Variants in FGF14 observed in about 807,000 individuals in gnomAD.
The protein encoded by FGF14 is fibroblast growth factor 14.
A neutral mutation model predicts 25.5 loss-of-function variants in FGF14; 5 were observed. The observed-to-expected ratio is 0.20, with a 90% CI of 0.10 to 0.41. FGF14 has a LOEUF of 0.41. Among genes scored for constraint, FGF14 ranks in the 10% least tolerant of loss-of-function variants. FGF14 has a pLI of 1.00. For synonymous variants in FGF14, 138 were observed against 118.3 expected, an observed-to-expected ratio of 1.17 and a Z score of -1.08; for missense variants, 222 against 320.1, an observed-to-expected ratio of 0.69 and a Z score of 2.34.
rs547462002 is a variant in FGF14, at chr13:102,030,225, A to G, written c.209-154929T>C. On this transcript the variant is annotated intron_variant, in intron 1 of 4. Transcript: ENST00000376131. ...TTAGATAATCTTATTGAAAGCCAAG[A>G]AAAACTGTACTTTGTAAAGTCTTCT... Among the ~76,000 whole-genome samples, 51 of 152,212 alleles carry G rather than the reference A, an allele frequency of 3.4e-4. 1 individual carries two copies. Among genetic ancestry groups the G allele is most frequent in the African/African-American group, 1.2e-3 (50 of 41,570 alleles).
At chr13:102,207,559 A>G (rs1223007936) in intron 1 of FGF14, among the ~76,000 whole-genome samples, 1 of 151,480 alleles carries the variant, frequency 6.6e-6, no homozygotes, top group African/African-American at 2.4e-5. Context: ...TTGAAAAAAA[A>G]ATAACAATGA....
intron 1 of FGF14, among the ~76,000 whole-genome samples, chr13:101,975,311 C>CA (rs1442411364): frequency 2.0e-5 from 3 of 152,178 alleles, no homozygotes; most frequent in Non-Finnish European, 4.4e-5. Flanking sequence ...CACTAACCCC[C>CA]TCGACTCCTC....
chr13:102,239,615 AT>A (rs1232156705), intron 1 of FGF14, among the ~76,000 whole-genome samples: 9 of 151,676 alleles, frequency 5.9e-5, no homozygotes, highest in South Asian at 2.1e-4. Context: ...CAAGTAAAAA[AT>A]AAAGATTATG....
intron 3 of FGF14, among the ~76,000 whole-genome samples, chr13:101,820,757 A>T (rs1566940302): frequency 6.6e-6 from 1 of 150,918 alleles, no homozygotes; most frequent in Non-Finnish European, 1.5e-5. Context: ...CTACAGCTAC[A>T]GTACACACAC....
intron 1 of FGF14, among the ~76,000 whole-genome samples, chr13:102,050,911 T>C (rs1045252197): frequency 7.9e-5 from 12 of 152,240 alleles, no homozygotes; most frequent in African/African-American, 2.9e-4. Flanking sequence ...CTGCAGAGGA[T>C]ACTGGCATAT....
At chr13:101,992,783 T>C (rs2038976474) in intron 1 of FGF14, among the ~76,000 whole-genome samples, 1 of 151,642 alleles carries the variant, frequency 6.6e-6, no homozygotes, top group African/African-American at 2.4e-5. Context: ...ATTTCCAAAA[T>C]TGAAAACCAA....
chr13:102,286,394 T>C (rs549560086), intron 1 of FGF14, among the ~76,000 whole-genome samples: 25 of 151,932 alleles, frequency 1.6e-4, no homozygotes, highest in Admixed American at 3.9e-4. Flanking sequence ...AATACCTAAA[T>C]AGCTACAGCA....
At chr13:101,917,107 T>G (rs1389765909), upstream of FGF14, among the ~76,000 whole-genome samples, 1 of 151,480 alleles carries the variant, frequency 6.6e-6, no homozygotes, top group African/African-American at 2.4e-5. Flanking sequence ...TCTCTGCGCG[T>G]CCGTCGGTCC....
At chr13:101,746,116 C>T (rs2036871949) in intron 3 of FGF14, among the ~76,000 whole-genome samples, 1 of 152,000 alleles carries the variant, frequency 6.6e-6, no homozygotes, top group Non-Finnish European at 1.5e-5. Flanking sequence ...AAATATTTAA[C>T]ATTGTCACAT....
intron 1 of FGF14, among the ~76,000 whole-genome samples, chr13:102,144,179 C>T (rs1189656032): frequency 2.6e-5 from 4 of 152,066 alleles, no homozygotes; most frequent in Non-Finnish European, 4.4e-5. Flanking sequence ...CTGTACCTGG[C>T]TAATATATAT....
intron 3 of FGF14, among the ~76,000 whole-genome samples, chr13:101,862,303 A>C (rs2044462061): frequency 6.6e-6 from 1 of 151,868 alleles, no homozygotes; most frequent in Admixed American, 6.6e-5. Flanking sequence ...ATGCTGCCAA[A>C]GCATCTGACT....
chr13:101,871,634 G>T (rs548631577), intron 2 of FGF14, among the ~76,000 whole-genome samples: 1 of 151,942 alleles, frequency 6.6e-6, no homozygotes, highest in Non-Finnish European at 1.5e-5. Context: ...CTGTCAGTAG[G>T]AACAATGAAG....
At chr13:102,186,533 G>T (rs17689101) in intron 1 of FGF14, among the ~76,000 whole-genome samples, 20 of 152,106 alleles carry the variant, frequency 1.3e-4, no homozygotes, top group Non-Finnish European at 1.8e-4. Context: ...TAACATTGAT[G>T]TGAATAAACA....
At chr13:101,867,931 C>CAA (rs2044812448) in intron 3 of FGF14, among the ~76,000 whole-genome samples, 1 of 134,002 alleles carries the variant, frequency 7.5e-6, no homozygotes, top group Admixed American at 8.2e-5. Context: ...CACACACACA[C>CAA]ACACGCGCAC....
intron 1 of FGF14, among the ~76,000 whole-genome samples, chr13:102,218,061 G>A (rs762169991): frequency 6.6e-6 from 1 of 152,044 alleles, no homozygotes; most frequent in African/African-American, 2.4e-5. Flanking sequence ...TCTTGTATTC[G>A]TGTGCTCCAT....
intron 1 of FGF14, among the ~76,000 whole-genome samples, chr13:102,103,471 T>A (rs1181041328): frequency 2.0e-5 from 3 of 151,706 alleles, no homozygotes; most frequent in African/African-American, 7.3e-5. Context: ...CCCCTGATTT[T>A]TTTTGTCTAA....
intron 1 of FGF14, among the ~76,000 whole-genome samples, chr13:102,082,310 T>TAA (rs150745934): frequency 1.3e-5 from 2 of 151,202 alleles, no homozygotes; most frequent in African/African-American, 2.4e-5. Context: ...CTTAGCATTA[T>TAA]AAAAAAAACT....
intron 1 of FGF14, among the ~76,000 whole-genome samples, chr13:102,055,922 T>C (rs1028786982): frequency 8.5e-5 from 13 of 152,168 alleles, no homozygotes; most frequent in African/African-American, 2.4e-4. Flanking sequence ...GCAGCCAAGA[T>C]AGAATGAGAG....
chr13:102,314,742 A>T (rs2055935402), intron 1 of FGF14, among the ~76,000 whole-genome samples: 1 of 152,134 alleles, frequency 6.6e-6, no homozygotes, highest in African/African-American at 2.4e-5. Flanking sequence ...AATTTCTGCT[A>T]TCAGGAAAAA....
Sources: allele counts gnomAD v4.1 joint callset (sites outside exome capture counted in the v4.1 genomes callset), GRCh38; gene constraint gnomAD v4.1.1; transcripts MANE v1.5; gene names NCBI Gene and HGNC (gene_info 2026-07-23, HGNC 2026-07-21).